The following GLDC variants were observed in gnomAD, a reference collection of about 807,000 sequenced individuals.
GLDC encodes glycine dehydrogenase (decarboxylating), mitochondrial.
Under a neutral mutation model 121.3 loss-of-function variants are expected in GLDC, and 104 were observed. That is an observed-to-expected ratio of 0.86 (90% CI 0.73 to 1.01). GLDC has a LOEUF of 1.01. Ranked by LOEUF, GLDC falls within the 50% of genes least tolerant of loss-of-function variation. The pLI, the probability that GLDC is intolerant of heterozygous loss-of-function variation, is 0.00. For missense variants in GLDC, 1,429 were observed against 1,306.6 expected (o/e 1.09, Z -1.44); for synonymous variants, 546 against 480.6 (o/e 1.14, Z -1.78).
chr9:6,597,404 G>C (rs978431248), intron 8 of GLDC, among the ~76,000 whole-genome samples: 3 of 152,084 alleles, frequency 2.0e-5, no homozygotes, highest in African/African-American at 7.2e-5. Flanking sequence ...AGCTAATAAA[G>C]TGTAAATTAT....
chr9:6,619,257 A>G (rs534870369), intron 3 of GLDC, among the ~76,000 whole-genome samples: 10 of 151,328 alleles, frequency 6.6e-5, no homozygotes, highest in Non-Finnish European at 1.0e-4. Flanking sequence ...GGCCTCTCTC[A>G]TATCTTTTCT....
chr9:6,610,383 C>A, intron 3 of GLDC, 27 bp from the exon 4 acceptor site: 1 of 1,611,278 alleles, frequency 6.2e-7, no homozygotes, highest in South Asian at 1.1e-5. Flanking sequence ...AGGTCTTGTC[C>A]AAACTGACTG....
chr9:6,579,485 T>C (rs1818134095), intron 15 of GLDC, among the ~76,000 whole-genome samples: 1 of 152,090 alleles, frequency 6.6e-6, no homozygotes, highest in Non-Finnish European at 1.5e-5. Flanking sequence ...GTCACTAATT[T>C]TGTTTTCAAG....
intron 7 of GLDC, among the ~76,000 whole-genome samples, chr9:6,603,068 A>T (rs561705912): frequency 1.2e-4 from 18 of 151,976 alleles, no homozygotes; most frequent in African/African-American, 4.3e-4. Flanking sequence ...TCTCTACTAA[A>T]AATACAAAAA....
intron 2 of GLDC, among the ~76,000 whole-genome samples, chr9:6,628,460 G>A (rs1477778402): frequency 2.0e-5 from 3 of 152,154 alleles, no homozygotes; most frequent in African/African-American, 4.8e-5. Context: ...AACCAGGGGG[G>A]AAAGAGACCA....
chr9:6,564,810 G>A (rs1186243922), intron 16 of GLDC, among the ~76,000 whole-genome samples: 1 of 152,204 alleles, frequency 6.6e-6, no homozygotes, highest in African/African-American at 2.4e-5. Flanking sequence ...TGGAGACCAG[G>A]TTCTCATATC....
At chr9:6,622,159 GACAC>G (rs60752054) in intron 2 of GLDC, among the ~76,000 whole-genome samples, 2,448 of 145,388 alleles carry the variant, frequency 0.017, 48 homozygotes, top group African/African-American at 0.038. Context: ...CACACACACA[GACAC>G]ACACACACAC....
intron 2 of GLDC, among the ~76,000 whole-genome samples, chr9:6,637,886 A>G (rs899025315): frequency 5.3e-5 from 8 of 151,776 alleles, no homozygotes; most frequent in Admixed American, 2.6e-4. Context: ...TCAAAGAGAC[A>G]GGATGTTGCC....
intron 2 of GLDC, among the ~76,000 whole-genome samples, chr9:6,636,827 T>C (rs1434501079): frequency 3.3e-5 from 5 of 152,096 alleles, no homozygotes; most frequent in Non-Finnish European, 5.9e-5. Flanking sequence ...CTCATGACTG[T>C]AATCCCAGCA....
At chr9:6,642,281 G>A (rs1447527868) in intron 2 of GLDC, among the ~76,000 whole-genome samples, 1 of 152,168 alleles carries the variant, frequency 6.6e-6, no homozygotes, top group Non-Finnish European at 1.5e-5. Context: ...TGTAATCCCA[G>A]CATTTTGGGA....
At chr9:6,569,530 T>TAGTC (rs1194818299) in intron 15 of GLDC, among the ~76,000 whole-genome samples, 1 of 152,094 alleles carries the variant, frequency 6.6e-6, no homozygotes, top group Non-Finnish European at 1.5e-5. Flanking sequence ...TGGGCACCTT[T>TAGTC]AGTCCCAGGT....
chr9:6,554,389 A>G (rs1458866733), intron 19 of GLDC, among the ~76,000 whole-genome samples: 1 of 152,216 alleles, frequency 6.6e-6, no homozygotes, highest in East Asian at 1.9e-4. Flanking sequence ...TGCTCAGGTG[A>G]AGTTCCCTAT....
intron 9 of GLDC, chr9:6,593,228 G>C: frequency 4.6e-6 from 2 of 439,314 alleles, no homozygotes; most frequent in East Asian, 4.4e-5. Context: ...GTGTATTTTG[G>C]TGTATTATTT....
At chr9:6,622,756 G>A (rs2129958749) in intron 2 of GLDC, 1 of 216,756 alleles carries the variant, frequency 4.6e-6, no homozygotes, top group Non-Finnish European at 9.3e-6. Flanking sequence ...TGGAAAGTGA[G>A]GAGCGTCTCT....
Position 6,605,165 on chromosome 9 carries a change from A to G in GLDC, c.827T>C (p.Phe276Ser), listed in dbSNP as rs967825860. 6.2e-7 allele frequency: 1 copy of G among 1,613,282 alleles called. No individual in the cohort carries two copies. The highest frequency in any genetic ancestry group is 1.7e-5 in the Admixed American group (1 of 59,992). The change falls in exon 6 of 25, where the codon TTT (phenylalanine) becomes TCT (serine). Residue 276 changes from phenylalanine to serine, a missense_variant. Physicochemically the swap from Phe to Ser is radical, Grantham distance 155. Transcript: ENST00000321612. ...ATGAGCTCTCTCCACGAGTTCCGTA[A>G]AGTCTTCCACCTTCCCCTCCGTGTC... ...YPDTEGKVED[F>S]TELVERAHQS...
At chr9:6,575,474 G>A (rs1199287561) in intron 15 of GLDC, among the ~76,000 whole-genome samples, 2 of 152,194 alleles carry the variant, frequency 1.3e-5, no homozygotes, top group East Asian at 3.8e-4. Flanking sequence ...CAGACTTACT[G>A]AATCAGAAAC....
At chr9:6,547,845 G>T (rs1235437134) in intron 21 of GLDC, among the ~76,000 whole-genome samples, 1 of 152,140 alleles carries the variant, frequency 6.6e-6, no homozygotes, top group Non-Finnish European at 1.5e-5. Flanking sequence ...AACTGTATTT[G>T]TAGGCCAGGT....
At chr9:6,641,171 C>T (rs996802497) in intron 2 of GLDC, among the ~76,000 whole-genome samples, 1 of 152,244 alleles carries the variant, frequency 6.6e-6, no homozygotes, top group African/African-American at 2.4e-5. Flanking sequence ...TCCCCTGGTT[C>T]TGTCCGGCCA....
chr9:6,568,429 G>C (rs2129769180), intron 15 of GLDC, among the ~76,000 whole-genome samples: 1 of 152,334 alleles, frequency 6.6e-6, no homozygotes, highest in Admixed American at 6.5e-5. Context: ...GGCTAGGTCA[G>C]TGCTTTTCTG....
Sources: allele counts gnomAD v4.1 joint callset (sites outside exome capture counted in the v4.1 genomes callset), GRCh38; gene constraint gnomAD v4.1.1; transcripts MANE v1.5; gene names NCBI Gene and HGNC (gene_info 2026-07-23, HGNC 2026-07-21).